The following USH2A variants were observed in gnomAD, a reference collection of about 807,000 sequenced individuals.
The protein encoded by USH2A is usherin.
A neutral mutation model predicts 538.9 loss-of-function variants in USH2A; 443 were observed. The observed-to-expected ratio is 0.82, with a 90% CI of 0.76 to 0.89. The LOEUF is 0.89. Among genes scored for constraint, USH2A ranks in the 40% least tolerant of loss-of-function variants. USH2A has a pLI of 0.00. For missense variants in USH2A, 6,633 were observed against 6,324.8 expected, an observed-to-expected ratio of 1.05 and a Z score of -1.65; for synonymous variants, 2,413 against 2,273.5, an observed-to-expected ratio of 1.06 and a Z score of -1.75.
At chr1:215,676,793 C>T (rs1018647169) in intron 62 of USH2A, among the ~76,000 whole-genome samples, 2 of 152,136 alleles carry the variant, frequency 1.3e-5, no homozygotes, top group African/African-American at 4.8e-5. Context: ...CCCAAGCACC[C>T]CTTGCTGCCC....
intron 12 of USH2A, among the ~76,000 whole-genome samples, chr1:216,250,197 T>C (rs2036131448): frequency 6.6e-6 from 1 of 152,154 alleles, no homozygotes; most frequent in South Asian, 2.1e-4. Flanking sequence ...ATGTTGGATG[T>C]AATAAATTGC....
At chr1:215,912,475 ACGTATATATATATATGTG>A (rs1665818900) in intron 38 of USH2A, among the ~76,000 whole-genome samples, 1 of 16,296 alleles carries the variant, frequency 6.1e-5, no homozygotes, top group African/African-American at 1.7e-4. Flanking sequence ...ATATATATAT[ACGTATATATATATATGTG>A]TATATATATA....
At chr1:216,033,929 G>A (rs767370495) in intron 32 of USH2A, among the ~76,000 whole-genome samples, 10 of 152,140 alleles carry the variant, frequency 6.6e-5, no homozygotes, top group Non-Finnish European at 1.5e-4. Flanking sequence ...GAAAAAGAAT[G>A]AATAGTGTTA....
rs2037715022 is a variant in USH2A, at chr1:216,325,549, G to A, written c.899C>T (p.Ser300Leu). ...GTGGCTGCCAGGGCAACGGCAATGT[G>A]ATTGGGCATGCAATCTGAGAAGATC... is the stretch of plus-strand genomic sequence containing the variant. ...SGDLLRLHAQ[S>L]HCRCPGSHPR... The change falls in exon 6 of 72, where the codon TCA (serine) becomes TTA (leucine). Residue 300 changes from serine to leucine, a missense_variant. Physicochemically the swap from Ser to Leu is moderately radical, Grantham distance 145. Coordinates refer to ENST00000307340, the MANE Select transcript of USH2A (RefSeq NM_206933.4). 2 of 1,613,526 alleles carry A rather than the reference G, an allele frequency of 1.2e-6. No homozygotes were observed. Among genetic ancestry groups the A allele is most frequent in the East Asian group, 2.2e-5 (1 of 44,776 alleles).
At chr1:216,351,442 C>T (rs1463064827) in intron 4 of USH2A, among the ~76,000 whole-genome samples, 2 of 152,126 alleles carry the variant, frequency 1.3e-5, no homozygotes, top group African/African-American at 2.4e-5. Context: ...GGCAGAAGTG[C>T]ACCTCCCATA....
chr1:216,132,132 A>G lies in USH2A; in HGVS notation c.4628-34919T>C, dbSNP rs2033389987. 2.6e-5 allele frequency among the ~76,000 whole-genome samples: 4 copies of G among 152,198 alleles called. No individual in the cohort carries two copies. In the South Asian group the frequency reaches 8.3e-4, roughly 32 times the overall value. On this transcript the variant is annotated intron_variant, in intron 21 of 71. Coordinates refer to ENST00000307340, the MANE Select transcript of USH2A (RefSeq NM_206933.4). ...ATAATATTTATCTTATTCTGCTTTT[A>G]TGTGTCACTTTCATCTGTTCTAAAC...
At chr1:215,817,336 C>A in intron 47 of USH2A, 141 bp from the exon 48 acceptor site, 1 of 418,178 alleles carries the variant, frequency 2.4e-6, no homozygotes, top group Non-Finnish European at 3.6e-6. Context: ...CATATATTTT[C>A]AAATCAATCA....
intron 4 of USH2A, among the ~76,000 whole-genome samples, chr1:216,336,442 G>T (rs902080122): frequency 6.6e-6 from 1 of 151,092 alleles, no homozygotes; most frequent in Non-Finnish European, 1.5e-5. Flanking sequence ...TTTCCATATT[G>T]AAAAAGTAGA....
At chr1:216,171,486 G>A (rs1424800633) in intron 21 of USH2A, among the ~76,000 whole-genome samples, 4 of 151,960 alleles carry the variant, frequency 2.6e-5, no homozygotes, top group Non-Finnish European at 5.9e-5. Flanking sequence ...AACATATTTT[G>A]CATGTGTAAC....
chr1:216,310,618 T>C (rs1464323203), intron 9 of USH2A, among the ~76,000 whole-genome samples: 1 of 152,220 alleles, frequency 6.6e-6, no homozygotes, highest in Non-Finnish European at 1.5e-5. Flanking sequence ...TCCATTCTGA[T>C]GGTGAGAGCT....
At chr1:216,154,141 GATAAA>G (rs1334937371) in intron 21 of USH2A, among the ~76,000 whole-genome samples, 1 of 151,940 alleles carries the variant, frequency 6.6e-6, no homozygotes, top group African/African-American at 2.4e-5. Context: ...TCCTTCTTAG[GATAAA>G]ATAAAATATA....
chr1:215,650,916 C>T (rs1287832900), intron 64 of USH2A, 115 bp from the exon 65 acceptor site: 4 of 1,095,772 alleles, frequency 3.7e-6, no homozygotes, highest in Non-Finnish European at 5.3e-6. Flanking sequence ...CTAAACACAA[C>T]AGGAAGAGAT....
At chr1:216,186,794 C>A (rs954617584) in intron 20 of USH2A, among the ~76,000 whole-genome samples, 1 of 151,872 alleles carries the variant, frequency 6.6e-6, no homozygotes. Context: ...TATTTAATGG[C>A]ACCACCATGG....
rs139932353 is a variant in USH2A at position 216,084,750 on chromosome 1, G to A, written c.5115C>T (p.Ser1705=). 4 of 1,613,350 alleles carry A rather than the reference G, an allele frequency of 2.5e-6. No homozygotes were observed. The African/African-American group carries it at 5.3e-5, about 22-fold the overall frequency. ...TTAATGAAGCGGGACATCCCTCCCAGCTGTTATACACGTTGATTTGTTCTT... is the reference window on the plus strand; with the variant it reads ...TTAATGAAGCGGGACATCCCTCCCAACTGTTATACACGTTGATTTGTTCTT... ...SSEEQINVYN[S]WEGCPASLNE... Residue 1705 remains serine, a synonymous_variant, in exon 25 of 72, where the codon AGC becomes AGT. Coordinates refer to ENST00000307340, the MANE Select transcript of USH2A (RefSeq NM_206933.4).
In USH2A at chr1:215,624,880, ATAT is replaced by A. The variant is rs780649465; in HGVS notation, c.*898_*900del. Reference sequence around the variant, plus strand: ...TCCTTTTAAAATTTCACGCAGCCTAATATTGCAAATAGAACAGTAGTTTCCATT... The same window carrying A: ...TCCTTTTAAAATTTCACGCAGCCTAATGCAAATAGAACAGTAGTTTCCATT... On this transcript the variant is annotated 3_prime_UTR_variant, in exon 72 of 72. Transcript: ENST00000307340. The A allele has an allele frequency of 6.6e-6, 1 of 152,190 alleles. No individual in the cohort carries two copies. The highest frequency in any genetic ancestry group is 1.5e-5 in the Non-Finnish European group (1 of 68,028). The allele number at this position is 152,190 out of a possible 1,614,324, so 9.4% of individuals were successfully genotyped here.
At chr1:215,802,914 T>G (rs904546602) in intron 49 of USH2A, among the ~76,000 whole-genome samples, 2 of 152,092 alleles carry the variant, frequency 1.3e-5, no homozygotes, top group Non-Finnish European at 2.9e-5. Flanking sequence ...ATACATACAA[T>G]GAGACATTAT....
At chr1:215,852,524 C>T (rs1455143511) in intron 44 of USH2A, among the ~76,000 whole-genome samples, 1 of 152,110 alleles carries the variant, frequency 6.6e-6, no homozygotes, top group Non-Finnish European at 1.5e-5. Flanking sequence ...CATGCCTTCC[C>T]CACAGTCTCC....
intron 69 of USH2A, among the ~76,000 whole-genome samples, chr1:215,635,831 G>A (rs1164548504): frequency 3.3e-5 from 5 of 152,184 alleles, no homozygotes; most frequent in Non-Finnish European, 7.3e-5. Flanking sequence ...TGGGATTACA[G>A]GCATGAGCCG....
intron 44 of USH2A, among the ~76,000 whole-genome samples, chr1:215,858,653 C>A (rs1051992594): frequency 6.6e-6 from 1 of 151,652 alleles, no homozygotes; most frequent in Non-Finnish European, 1.5e-5. Context: ...CTATTACAAT[C>A]TCAGTGAGCT....
Sources: allele counts gnomAD v4.1 joint callset (sites outside exome capture counted in the v4.1 genomes callset), GRCh38; gene constraint gnomAD v4.1.1; transcripts MANE v1.5; gene names NCBI Gene and HGNC (gene_info 2026-07-23, HGNC 2026-07-21).